Variants in CADM2 observed in about 807,000 individuals in gnomAD.
The protein encoded by CADM2 is cell adhesion molecule 2, also known as immunoglobulin superfamily member 4D.
A neutral mutation model predicts 49.8 loss-of-function variants in CADM2; 12 were observed. That is an observed-to-expected ratio of 0.24 (90% CI 0.15 to 0.39). CADM2 has a LOEUF of 0.39. Ranked by LOEUF, CADM2 falls within the 10% of genes least tolerant of loss-of-function variation. The pLI, the probability that CADM2 is intolerant of heterozygous loss-of-function variation, is 1.00. For synonymous variants in CADM2, 214 were observed against 175.4 expected, an observed-to-expected ratio of 1.22 and a Z score of -1.74; for missense variants, 378 against 492.3, an observed-to-expected ratio of 0.77 and a Z score of 2.20.
chr3:85,213,149 C>T (rs2041841604), intron 1 of CADM2, among the ~76,000 whole-genome samples: 1 of 152,028 alleles, frequency 6.6e-6, no homozygotes, highest in Non-Finnish European at 1.5e-5. Context: ...GCCCAAAGTG[C>T]TGGCATTACA....
chr3:85,654,230 A>G (rs564640421), intron 1 of CADM2, among the ~76,000 whole-genome samples: 1 of 152,318 alleles, frequency 6.6e-6, no homozygotes, highest in East Asian at 1.9e-4. Context: ...AACAGAGAAA[A>G]AAGAGGACCA....
intron 2 of CADM2, among the ~76,000 whole-genome samples, chr3:85,758,109 T>C (rs774476988): frequency 1.3e-5 from 2 of 152,156 alleles, no homozygotes; most frequent in Non-Finnish European, 2.9e-5. Context: ...CAGGGATATA[T>C]ATAAGCTGGG....
chr3:84,998,234 A>G (rs1209071509), intron 1 of CADM2, among the ~76,000 whole-genome samples: 1 of 152,150 alleles, frequency 6.6e-6, no homozygotes, highest in Admixed American at 6.6e-5. Context: ...TCAGTGCATG[A>G]TCTTCCAGAG....
intron 1 of CADM2, 23 bp downstream of exon 1, chr3:84,959,691 G>A (rs2030259874): frequency 6.5e-7 from 1 of 1,535,108 alleles, no homozygotes; most frequent in Non-Finnish European, 8.7e-7. Flanking sequence ...CCGGCGCAGG[G>A]AACATCAACT....
intron 1 of CADM2, among the ~76,000 whole-genome samples, chr3:85,268,844 T>C (rs776571976): frequency 2.0e-5 from 3 of 151,304 alleles, no homozygotes; most frequent in African/African-American, 7.3e-5. Flanking sequence ...TATTAAGATA[T>C]GAAGTAAAAT....
intron 6 of CADM2, among the ~76,000 whole-genome samples, chr3:85,926,351 G>T (rs892921360): frequency 1.3e-5 from 2 of 151,880 alleles, no homozygotes; most frequent in Non-Finnish European, 2.9e-5. Context: ...GCTATTCTCC[G>T]TTCCTCTAAC....
intron 1 of CADM2, among the ~76,000 whole-genome samples, chr3:85,552,305 A>G (rs1321957216): frequency 2.6e-5 from 4 of 151,508 alleles, no homozygotes; most frequent in African/African-American, 4.8e-5. Context: ...ATTTGGAGAC[A>G]GGTGTACTTT....
chr3:86,024,409 G>A (rs1197297185), intron 8 of CADM2, among the ~76,000 whole-genome samples: 1 of 152,158 alleles, frequency 6.6e-6, no homozygotes, highest in African/African-American at 2.4e-5. Context: ...TTTTCAAAGC[G>A]AGCAGTAAAT....
chr3:85,831,299 A>G lies in CADM2; in HGVS notation c.238+29103A>G, dbSNP rs528271580. ...CTAGTGCTGCAATGAACATATTAATACATATGACTTTTGGTAGAATGATTT... is the reference window on the plus strand; with the variant it reads ...CTAGTGCTGCAATGAACATATTAATGCATATGACTTTTGGTAGAATGATTT... On this transcript the variant is annotated intron_variant, in intron 3 of 9. Transcript: ENST00000383699. Among the ~76,000 whole-genome samples, 4 of 152,082 alleles carry G rather than the reference A, an allele frequency of 2.6e-5. No individual in the cohort carries two copies. In the East Asian group the frequency reaches 7.8e-4, roughly 30 times the overall value.
At chr3:85,198,645 A>G (rs72911108) in intron 1 of CADM2, among the ~76,000 whole-genome samples, 11,208 of 151,884 alleles carry the variant, frequency 0.074, 1,368 homozygotes, top group African/African-American at 0.25. Context: ...AATTTATGGT[A>G]TACATTTTAA....
At chr3:85,045,342 G>T (rs2035612010) in intron 1 of CADM2, among the ~76,000 whole-genome samples, 1 of 152,122 alleles carries the variant, frequency 6.6e-6, no homozygotes, top group African/African-American at 2.4e-5. Flanking sequence ...AGAAAACAGA[G>T]TGTTCTAATC....
chr3:86,041,680 A>C (rs1735961094), intron 8 of CADM2, among the ~76,000 whole-genome samples: 2 of 152,312 alleles, frequency 1.3e-5, no homozygotes, highest in South Asian at 4.1e-4. Flanking sequence ...CAACAGACAG[A>C]AAGTTAACAA....
chr3:85,460,113 G>A (rs886301224), intron 1 of CADM2, among the ~76,000 whole-genome samples: 1 of 152,018 alleles, frequency 6.6e-6, no homozygotes, highest in Non-Finnish European at 1.5e-5. Flanking sequence ...TACAAAACGA[G>A]CTTGTAGAAT....
At chr3:85,582,354 C>A (rs1474372138) in intron 1 of CADM2, among the ~76,000 whole-genome samples, 2 of 152,104 alleles carry the variant, frequency 1.3e-5, no homozygotes, top group Non-Finnish European at 2.9e-5. Flanking sequence ...TCAATGGAAT[C>A]CAAAAATTGT....
intron 1 of CADM2, among the ~76,000 whole-genome samples, chr3:85,568,437 T>C (rs142556409): frequency 0.029 from 585 of 20,276 alleles, 15 homozygotes; most frequent in East Asian, 0.071. Flanking sequence ...CTTTCTTTCT[T>C]TCTTTCTTTC....
At chr3:85,507,035 G>A (rs2040385821) in intron 1 of CADM2, among the ~76,000 whole-genome samples, 1 of 152,064 alleles carries the variant, frequency 6.6e-6, no homozygotes. Context: ...TAAAATAAAT[G>A]TATGAAGGTA....
intron 1 of CADM2, among the ~76,000 whole-genome samples, chr3:85,679,713 C>G (rs893623636): frequency 2.6e-5 from 4 of 152,112 alleles, no homozygotes; most frequent in African/African-American, 9.7e-5. Flanking sequence ...AGGCAGTCAC[C>G]GTGTCTGCAG....
chr3:86,028,378 T>C (rs1278638407), intron 8 of CADM2, among the ~76,000 whole-genome samples: 1 of 152,118 alleles, frequency 6.6e-6, no homozygotes, highest in Non-Finnish European at 1.5e-5. Context: ...TTAATTATTT[T>C]CAATGCTTCC....
At chr3:85,006,276 T>C (rs2033722562) in intron 1 of CADM2, among the ~76,000 whole-genome samples, 1 of 152,136 alleles carries the variant, frequency 6.6e-6, no homozygotes, top group South Asian at 2.1e-4. Context: ...ATAATTTGTG[T>C]GTACCCAGCA....
Sources: allele counts gnomAD v4.1 joint callset (sites outside exome capture counted in the v4.1 genomes callset), GRCh38; gene constraint gnomAD v4.1.1; transcripts MANE v1.5; gene names NCBI Gene and HGNC (gene_info 2026-07-23, HGNC 2026-07-21).